TMEM135: variants seen among roughly 807,000 people sequenced by gnomAD.
TMEM135 encodes the protein peroxisomal membrane protein 52.
Under a neutral mutation model 60.3 loss-of-function variants are expected in TMEM135, and 30 were observed. The ratio of observed to expected loss-of-function variants is 0.50; its 90% confidence interval spans 0.37 to 0.68. The LOEUF is 0.68. Among genes scored for constraint, TMEM135 ranks in the 30% least tolerant of loss-of-function variants. The pLI is 0.00. For missense variants in TMEM135, 468 were observed against 548.8 expected (o/e 0.85, Z 1.47); for synonymous variants, 190 against 186.7 (o/e 1.02, Z -0.14).
chr11:87,254,042 A>C (rs1355953511), intron 6 of TMEM135, among the ~76,000 whole-genome samples: 1 of 152,122 alleles, frequency 6.6e-6, no homozygotes, highest in Non-Finnish European at 1.5e-5. Context: ...TATATATAAC[A>C]ATCTGTTACC....
intron 4 of TMEM135, among the ~76,000 whole-genome samples, chr11:87,109,193 G>A (rs570427053): frequency 2.6e-5 from 4 of 152,182 alleles, no homozygotes; most frequent in Non-Finnish European, 5.9e-5. Flanking sequence ...TAAATTTTTG[G>A]TGTTTATTGT....
At chr11:87,180,177 C>T (rs1939478691) in intron 5 of TMEM135, among the ~76,000 whole-genome samples, 1 of 151,984 alleles carries the variant, frequency 6.6e-6, no homozygotes, top group South Asian at 2.1e-4. Context: ...GGTGGGACCC[C>T]AAGTAAGCCT....
intron 6 of TMEM135, among the ~76,000 whole-genome samples, chr11:87,266,816 A>G (rs1471367359): frequency 1.3e-5 from 2 of 152,214 alleles, no homozygotes; most frequent in Non-Finnish European, 2.9e-5. Flanking sequence ...CTTGTTTTGT[A>G]TAGATCAGAC....
intron 1 of TMEM135, among the ~76,000 whole-genome samples, chr11:87,043,921 A>C (rs1424736321): frequency 6.6e-6 from 1 of 152,108 alleles, no homozygotes; most frequent in Non-Finnish European, 1.5e-5. Flanking sequence ...AGATGGTTCT[A>C]ACACTAAGAC....
At chr11:87,064,960 T>C (rs1230315359) in intron 1 of TMEM135, among the ~76,000 whole-genome samples, 6 of 138,198 alleles carry the variant, frequency 4.3e-5, no homozygotes, top group Middle Eastern at 3.8e-3. Flanking sequence ...GCTTTTTTTT[T>C]TTCCCCCCAC....
At chr11:87,192,572 A>T (rs1939835115) in intron 5 of TMEM135, among the ~76,000 whole-genome samples, 1 of 152,198 alleles carries the variant, frequency 6.6e-6, no homozygotes, top group African/African-American at 2.4e-5. Flanking sequence ...TGAATGTAAG[A>T]GTTTTCAAAA....
chr11:87,074,131 A>T (rs1856825748), intron 3 of TMEM135, among the ~76,000 whole-genome samples: 1 of 151,950 alleles, frequency 6.6e-6, no homozygotes. Flanking sequence ...AAGCCTGGCT[A>T]ATTTTTGTAT....
chr11:87,271,852 C>T (rs1485728899), intron 6 of TMEM135, among the ~76,000 whole-genome samples: 6 of 151,840 alleles, frequency 4.0e-5, no homozygotes. Context: ...GGGAAAATCA[C>T]CTGAGCTCAG....
At chr11:87,054,015 G>C (rs1026098706) in intron 1 of TMEM135, among the ~76,000 whole-genome samples, 3 of 152,206 alleles carry the variant, frequency 2.0e-5, no homozygotes, top group African/African-American at 2.4e-5. Flanking sequence ...AGTCAAGTTA[G>C]TATGGTGAAT....
intron 6 of TMEM135, among the ~76,000 whole-genome samples, chr11:87,292,204 C>T (rs2135430871): frequency 6.6e-6 from 1 of 152,348 alleles, no homozygotes; most frequent in African/African-American, 2.4e-5. Context: ...CTGACTACGT[C>T]ACTGTTTCTC....
chr11:87,243,708 C>A (rs1259007542), intron 6 of TMEM135, among the ~76,000 whole-genome samples: 1 of 87,390 alleles, frequency 1.1e-5, no homozygotes, highest in Non-Finnish European at 2.8e-5. Flanking sequence ...GATTTTGTAT[C>A]CTGAGACTTT....
At chr11:87,098,624 A>G (rs1443313137) in intron 4 of TMEM135, among the ~76,000 whole-genome samples, 4 of 152,132 alleles carry the variant, frequency 2.6e-5, no homozygotes, top group Non-Finnish European at 5.9e-5. Context: ...CAACCTGAAA[A>G]GAATCTAAAA....
At chr11:87,242,625 G>C (rs9735396) in intron 6 of TMEM135, among the ~76,000 whole-genome samples, 91 of 123,134 alleles carry the variant, frequency 7.4e-4, no homozygotes, top group African/African-American at 2.6e-3. Context: ...TTTTTTCATG[G>C]GTCTTTTGGC....
chr11:87,200,797 G>GA (rs1940076576), intron 5 of TMEM135, among the ~76,000 whole-genome samples: 1 of 152,054 alleles, frequency 6.6e-6, no homozygotes, highest in African/African-American at 2.4e-5. Flanking sequence ...CCAAACCCCT[G>GA]AAAACCATTG....
chr11:87,039,700 T>C (rs904437368), intron 1 of TMEM135, among the ~76,000 whole-genome samples: 11 of 152,254 alleles, frequency 7.2e-5, no homozygotes, highest in African/African-American at 2.4e-4. Context: ...TATTGAGCTC[T>C]TGATATACAA....
At position 87,236,620 on chromosome 11, in the gene TMEM135, A is replaced by G. The variant is rs1170059365; in HGVS notation, c.463-18A>G. 9 of 1,610,664 alleles carry G rather than the reference A, an allele frequency of 5.6e-6. No homozygotes were observed. The highest frequency in any genetic ancestry group is 1.7e-6 in the Non-Finnish European group (2 of 1,177,792). ...GTCAGTGTTCTTTTGCAAGTAATAT[A>G]TTTTCTCTTTGTTACAGGTCCTTTT... On this transcript the variant is annotated intron_variant, in intron 5 of 14. Transcript: ENST00000305494.
intron 3 of TMEM135, among the ~76,000 whole-genome samples, chr11:87,085,143 A>G (rs956587044): frequency 2.0e-5 from 3 of 152,220 alleles, no homozygotes; most frequent in Non-Finnish European, 4.4e-5. Flanking sequence ...GATATAGTAC[A>G]GTTATAAAGT....
chr11:87,179,157 C>G (rs1486957332), intron 5 of TMEM135, among the ~76,000 whole-genome samples: 1 of 152,082 alleles, frequency 6.6e-6, no homozygotes, highest in African/African-American at 2.4e-5. Flanking sequence ...GCTTATTGGG[C>G]ATTTGTATAC....
At chr11:87,193,372 A>T (rs1939862960) in intron 5 of TMEM135, among the ~76,000 whole-genome samples, 2 of 152,148 alleles carry the variant, frequency 1.3e-5, no homozygotes, top group South Asian at 4.1e-4. Context: ...TAAGATACAG[A>T]TTGTTATTTA....
Sources: gnomAD v4.1 joint callset for allele counts (sites outside exome capture counted in the v4.1 genomes callset) on GRCh38, gnomAD v4.1.1 for gene constraint, MANE v1.5 for transcripts, NCBI Gene and HGNC (gene_info 2026-07-23, HGNC 2026-07-21) for gene names.